The following GRM8 variants were observed in gnomAD, a reference collection of about 807,000 sequenced individuals.
The protein encoded by GRM8 is metabotropic glutamate receptor 8.
Under a neutral mutation model 87.2 loss-of-function variants are expected in GRM8, and 47 were observed. The observed-to-expected ratio is 0.54, with a 90% CI of 0.43 to 0.69. The LOEUF (loss-of-function observed/expected upper bound fraction) is 0.69, where lower values mean the gene tolerates loss of function less well. Among genes scored for constraint, GRM8 ranks in the 30% least tolerant of loss-of-function variants. The pLI, the probability that GRM8 is intolerant of heterozygous loss-of-function variation, is 0.00. For synonymous variants in GRM8, 396 were observed against 404.5 expected (o/e 0.98, Z 0.25); for missense variants, 1,019 against 1,139.2 (o/e 0.89, Z 1.52).
intron 9 of GRM8, among the ~76,000 whole-genome samples, chr7:126,474,123 T>C (rs1325311138): frequency 1.3e-5 from 2 of 152,194 alleles, no homozygotes; most frequent in Non-Finnish European, 2.9e-5. Context: ...GTTGATGTCC[T>C]AAAACAATTT....
chr7:126,653,643 T>C (rs1329914461), intron 7 of GRM8, among the ~76,000 whole-genome samples: 4 of 152,214 alleles, frequency 2.6e-5, no homozygotes, highest in African/African-American at 9.6e-5. Context: ...AAAAAAGGGA[T>C]TCTGTTACAT....
intron 2 of GRM8, among the ~76,000 whole-genome samples, chr7:127,136,181 G>C (rs2133245907): frequency 6.6e-6 from 1 of 151,678 alleles, no homozygotes; most frequent in Admixed American, 6.5e-5. Context: ...TTTCAAAGGA[G>C]CTTTATAATA....
intron 7 of GRM8, among the ~76,000 whole-genome samples, chr7:126,735,633 A>G (rs1814122735): frequency 6.6e-6 from 1 of 152,100 alleles, no homozygotes; most frequent in Non-Finnish European, 1.5e-5. Context: ...CCATGTTGTT[A>G]CCGAGATTAA....
rs1432400455 is a variant in GRM8 at position 126,546,612 on chromosome 7, A to G, written c.1495-12725T>C. On this transcript the variant is annotated intron_variant, in intron 8 of 10. Transcript: ENST00000339582. ...ATAGAAAAGAAAGGGTAAGTTTAAA[A>G]CAGATTTAGAAAGAAGCAGCAAAAT... 2.0e-5 allele frequency among the ~76,000 whole-genome samples: 3 copies of G among 152,194 alleles called. No homozygotes were observed. In the East Asian group the frequency reaches 5.8e-4, roughly 29 times the overall value.
At chr7:127,116,908 C>CA (rs1826730961) in intron 2 of GRM8, among the ~76,000 whole-genome samples, 2 of 152,120 alleles carry the variant, frequency 1.3e-5, no homozygotes, top group South Asian at 2.1e-4. Flanking sequence ...CCAGGACTAT[C>CA]AAGAAAATGC....
At position 126,879,634 on chromosome 7, in the gene GRM8, A is replaced by T. The variant is rs79439980; in HGVS notation, c.1156+22908T>A. The stretch of plus-strand genomic sequence containing the variant: ...GCCGTACATCACCACATACATTATC[A>T]TATTTGTTTACAAAATATGAGAGTC... On this transcript the variant is annotated intron_variant, in intron 6 of 10. Transcript: ENST00000339582. Among the ~76,000 whole-genome samples the T allele has an allele frequency of 9.5e-3, 1,447 of 152,266 alleles. 24 individuals are homozygous for T. Among genetic ancestry groups the T allele is most frequent in the Middle Eastern group, 0.054 (16 of 294 alleles).
chr7:126,768,466 A>G (rs925957724), intron 7 of GRM8, among the ~76,000 whole-genome samples: 3 of 151,268 alleles, frequency 2.0e-5, no homozygotes, highest in Non-Finnish European at 4.4e-5. Context: ...ACAGTCTTTA[A>G]TAGTATCATT....
At chr7:126,633,685 A>G (rs1034258124) in intron 7 of GRM8, among the ~76,000 whole-genome samples, 5 of 152,126 alleles carry the variant, frequency 3.3e-5, no homozygotes, top group Admixed American at 3.3e-4. Flanking sequence ...AATTAAATCC[A>G]TGTCCAAAAA....
At chr7:126,604,206 T>A (rs1798117673) in intron 8 of GRM8, among the ~76,000 whole-genome samples, 1 of 152,120 alleles carries the variant, frequency 6.6e-6, no homozygotes, top group Non-Finnish European at 1.5e-5. Flanking sequence ...TAAAGACCAA[T>A]TTAATGGAGC....
At chr7:126,731,815 A>G (rs1427580400) in intron 7 of GRM8, among the ~76,000 whole-genome samples, 2 of 152,020 alleles carry the variant, frequency 1.3e-5, no homozygotes, top group African/African-American at 4.8e-5. Context: ...ATTTTCTATG[A>G]TGTCTAATAA....
chr7:127,165,269 C>G (rs963730017), intron 2 of GRM8, among the ~76,000 whole-genome samples: 3 of 145,078 alleles, frequency 2.1e-5, no homozygotes, highest in East Asian at 4.2e-4. Context: ...ATTTTTGGTA[C>G]AGTGGACTGG....
At chr7:126,627,047 T>C (rs753137258) in intron 7 of GRM8, among the ~76,000 whole-genome samples, 2 of 152,210 alleles carry the variant, frequency 1.3e-5, no homozygotes, top group Non-Finnish European at 2.9e-5. Flanking sequence ...AAAACAGTTA[T>C]ATAATTTTCT....
At chr7:127,016,106 A>C (rs1457107494) in intron 3 of GRM8, among the ~76,000 whole-genome samples, 1 of 152,108 alleles carries the variant, frequency 6.6e-6, no homozygotes, top group Non-Finnish European at 1.5e-5. Flanking sequence ...CTATTATGAT[A>C]GATGAAAACC....
At chr7:126,901,893 T>TA (rs1802112514) in intron 6 of GRM8, among the ~76,000 whole-genome samples, 1 of 152,206 alleles carries the variant, frequency 6.6e-6, no homozygotes, top group Non-Finnish European at 1.5e-5. Context: ...CTCATATCTG[T>TA]AACCTTGCTA....
chr7:126,565,716 C>T (rs1044812192), intron 8 of GRM8, among the ~76,000 whole-genome samples: 3 of 151,998 alleles, frequency 2.0e-5, no homozygotes, highest in African/African-American at 7.2e-5. Flanking sequence ...TATAAAAGAA[C>T]CCAAATAGCA....
chr7:127,024,397 G>A (rs1271535116), intron 3 of GRM8, among the ~76,000 whole-genome samples: 2 of 152,018 alleles, frequency 1.3e-5, no homozygotes, highest in African/African-American at 4.8e-5. Flanking sequence ...ACTGTTTTCT[G>A]GGGCCTATTC....
At chr7:126,504,888 A>G (rs1003585355) in intron 9 of GRM8, among the ~76,000 whole-genome samples, 2 of 152,042 alleles carry the variant, frequency 1.3e-5, no homozygotes, top group African/African-American at 2.4e-5. Flanking sequence ...CTAATTTCCA[A>G]ATAACTAAAT....
intron 3 of GRM8, among the ~76,000 whole-genome samples, chr7:127,019,367 G>A (rs916432607): frequency 2.0e-5 from 3 of 152,020 alleles, no homozygotes; most frequent in South Asian, 2.1e-4. Context: ...TAATGGGAGT[G>A]TTGTTCTGAG....
chr7:127,177,069 T>C (rs1209378744), intron 2 of GRM8, among the ~76,000 whole-genome samples: 3 of 152,168 alleles, frequency 2.0e-5, no homozygotes. Flanking sequence ...ACCAAGCCCT[T>C]TTCTTTCGCA....
Sources: gnomAD v4.1 joint callset for allele counts (sites outside exome capture counted in the v4.1 genomes callset) on GRCh38, gnomAD v4.1.1 for gene constraint, MANE v1.5 for transcripts, NCBI Gene and HGNC (gene_info 2026-07-23, HGNC 2026-07-21) for gene names.